MPPED2: variants seen among roughly 807,000 people sequenced by gnomAD.
The protein encoded by MPPED2 is metallophosphoesterase domain containing 2.
MPPED2 carries 5 observed loss-of-function variants against 33.0 expected under a neutral mutation model. The observed-to-expected ratio is 0.15, with a 90% CI of 0.08 to 0.32. The LOEUF (loss-of-function observed/expected upper bound fraction) is 0.32. Ranked by LOEUF, MPPED2 falls within the 10% of genes least tolerant of loss-of-function variation. The pLI is 1.00. For synonymous variants in MPPED2, 136 were observed against 141.9 expected (o/e 0.96, Z 0.29); for missense variants, 275 against 372.1 (o/e 0.74, Z 2.15).
At chr11:30,556,604 T>A (rs1375053186) in intron 2 of MPPED2, among the ~76,000 whole-genome samples, 4 of 152,202 alleles carry the variant, frequency 2.6e-5, no homozygotes, top group Non-Finnish European at 5.9e-5. Context: ...GGCAAAGTTG[T>A]GTGTCATTGA....
At chr11:30,476,303 T>C (rs66918518) in intron 4 of MPPED2, among the ~76,000 whole-genome samples, 18,869 of 151,698 alleles carry the variant, frequency 0.12, 1,178 homozygotes, top group East Asian at 0.19. Flanking sequence ...GTTGTTTATG[T>C]TTTTTGTGTC....
At chr11:30,485,313 G>A (rs1359950127) in intron 4 of MPPED2, among the ~76,000 whole-genome samples, 1 of 135,262 alleles carries the variant, frequency 7.4e-6, no homozygotes, top group African/African-American at 2.5e-5. Context: ...TTTTACGTCT[G>A]GTACCTGTAT....
chr11:30,395,100 G>A (rs909955005), intron 6 of MPPED2, among the ~76,000 whole-genome samples: 2 of 152,106 alleles, frequency 1.3e-5, no homozygotes, highest in African/African-American at 2.4e-5. Context: ...TGATTAATGT[G>A]TATTTATCAT....
chr11:30,497,418 G>A (rs562652535), intron 3 of MPPED2, among the ~76,000 whole-genome samples: 7 of 152,106 alleles, frequency 4.6e-5, no homozygotes, highest in Non-Finnish European at 1.5e-5. Flanking sequence ...AGGCTAAAAC[G>A]TTTTCCCAGA....
intron 6 of MPPED2, among the ~76,000 whole-genome samples, chr11:30,403,140 G>A (rs1009937657): frequency 6.6e-6 from 1 of 152,010 alleles, no homozygotes; most frequent in Admixed American, 6.6e-5. Flanking sequence ...CCAGCTACTC[G>A]CGAGGATGAG....
intron 4 of MPPED2, among the ~76,000 whole-genome samples, chr11:30,439,190 A>C (rs1949454757): frequency 6.6e-6 from 1 of 152,196 alleles, no homozygotes; most frequent in Admixed American, 6.5e-5. Context: ...GAAAAGAACA[A>C]AACCTTCAAA....
Position 30,520,157 on chromosome 11 carries a change from G to A in MPPED2, c.310+15837C>T, listed in dbSNP as rs2061419. ...ATTGTACACGTTTATCCTGAAATTA[G>A]AAAAAAAGAATGCTGCTTCTTTCCT... On this transcript the variant is annotated intron_variant, in intron 3 of 6. Coordinates refer to ENST00000358117, the MANE Select transcript of MPPED2 (RefSeq NM_001584.3). 8.4e-3 allele frequency among the ~76,000 whole-genome samples: 1,279 copies of A among 151,908 alleles called. 16 individuals are homozygous for A. Among genetic ancestry groups the A allele is most frequent in the African/African-American group, 0.029 (1,210 of 41,468 alleles).
chr11:30,564,701 A>G (rs528435245), intron 2 of MPPED2, among the ~76,000 whole-genome samples: 2 of 152,316 alleles, frequency 1.3e-5, no homozygotes, highest in Admixed American at 6.5e-5. Flanking sequence ...TTACAAAACT[A>G]TTTATTGAAG....
At chr11:30,548,321 C>G in intron 2 of MPPED2, among the ~76,000 whole-genome samples, 1 of 152,054 alleles carries the variant, frequency 6.6e-6, no homozygotes, top group South Asian at 2.1e-4. Context: ...TCCAGGGATT[C>G]TCCCACCTCA....
intron 4 of MPPED2, among the ~76,000 whole-genome samples, chr11:30,468,535 G>A (rs1950816793): frequency 6.6e-6 from 1 of 152,006 alleles, no homozygotes; most frequent in Non-Finnish European, 1.5e-5. Context: ...AGAGGCCAAG[G>A]GGAAAAAGAG....
In MPPED2 at chr11:30,536,061, A is replaced by G. The variant is rs1954791884; in HGVS notation, c.243T>C (p.Leu81=). 6.2e-7 allele frequency: 1 copy of G among 1,613,478 alleles called. No homozygotes were observed. The highest frequency in any genetic ancestry group is 8.5e-7 in the Non-Finnish European group (1 of 1,179,790). The change falls in exon 3 of 7, where the codon CTT becomes CTC. Residue 81 remains leucine (L), a synonymous_variant. Transcript: ENST00000358117. ...GCTCGGTGAAATCGCCTGTGTGGAG[A>G]AGGATGTCCCCATAAGGCATCTGGA... ...DGIQMPYGDI[L]LHTGDFTELG... is the part of the protein sequence containing the mutation.
intron 6 of MPPED2, among the ~76,000 whole-genome samples, chr11:30,411,964 A>T (rs999467178): frequency 1.3e-5 from 2 of 151,960 alleles, no homozygotes; most frequent in African/African-American, 4.8e-5. Flanking sequence ...TAATATAAGG[A>T]TTACTCCTCA....
chr11:30,442,036 C>T (rs771864626), intron 4 of MPPED2, among the ~76,000 whole-genome samples: 16 of 152,184 alleles, frequency 1.1e-4, no homozygotes, highest in Non-Finnish European at 1.6e-4. Context: ...CATAGTAAAA[C>T]TGGCTCAGAG....
intron 3 of MPPED2, among the ~76,000 whole-genome samples, chr11:30,523,305 G>C (rs376273804): frequency 2.6e-5 from 4 of 152,076 alleles, no homozygotes; most frequent in Admixed American, 1.3e-4. Flanking sequence ...AGGCAGGCTG[G>C]GGGGAGGTGG....
At chr11:30,497,335 A>T (rs1952313672) in intron 3 of MPPED2, among the ~76,000 whole-genome samples, 1 of 152,158 alleles carries the variant, frequency 6.6e-6, no homozygotes, top group Non-Finnish European at 1.5e-5. Context: ...CAACTCTAAT[A>T]TCATGGCTCT....
At chr11:30,489,297 A>G (rs1381618070) in intron 4 of MPPED2, among the ~76,000 whole-genome samples, 1 of 152,260 alleles carries the variant, frequency 6.6e-6, no homozygotes, top group Non-Finnish European at 1.5e-5. Context: ...CTTTCCTGAC[A>G]GAGTAAACAT....
At position 30,519,896 on chromosome 11, in the gene MPPED2, G is replaced by T. The variant is rs375100299; in HGVS notation, c.310+16098C>A. ...ACTTGGTGGGCACTGAGTCTCAAACGACTAGGGAATAGGATTAATTTAGAG... is the reference window on the plus strand; with the variant it reads ...ACTTGGTGGGCACTGAGTCTCAAACTACTAGGGAATAGGATTAATTTAGAG... On this transcript the variant is annotated intron_variant, in intron 3 of 6. Coordinates refer to ENST00000358117, the MANE Select transcript of MPPED2 (RefSeq NM_001584.3). Among the ~76,000 whole-genome samples, 11 of 152,230 alleles carry T rather than the reference G, an allele frequency of 7.2e-5. No homozygotes were observed. In the East Asian group the frequency reaches 1.9e-3, roughly 27 times the overall value.
At chr11:30,394,499 T>C (rs502625) in intron 6 of MPPED2, among the ~76,000 whole-genome samples, 42,570 of 152,086 alleles carry the variant, frequency 0.28, 6,916 homozygotes, top group Non-Finnish European at 0.37. Flanking sequence ...ATTGTGGTTT[T>C]AATTTGCATT....
chr11:30,530,654 T>A (rs1456354832), intron 3 of MPPED2, among the ~76,000 whole-genome samples: 2 of 152,290 alleles, frequency 1.3e-5, no homozygotes, highest in South Asian at 2.1e-4. Flanking sequence ...AAACTGGGTA[T>A]GGGCATAAGG....
Sources: allele counts gnomAD v4.1 joint callset (sites outside exome capture counted in the v4.1 genomes callset), GRCh38; gene constraint gnomAD v4.1.1; transcripts MANE v1.5; gene names NCBI Gene and HGNC (gene_info 2026-07-23, HGNC 2026-07-21).